Variants in SPEF2 observed in about 807,000 individuals in gnomAD.
SPEF2 encodes the protein sperm flagellar and cilia associated 2, also known as sperm flagella and cilia-associated protein 2.
In SPEF2, 187 loss-of-function variants were observed where a neutral mutation model predicts 224.6. The ratio of observed to expected loss-of-function variants is 0.83; its 90% CI spans 0.74 to 0.94. The LOEUF is 0.94. SPEF2 is among the 40% of genes least tolerant of loss of function. The pLI, the probability that SPEF2 is intolerant of heterozygous loss-of-function variation, is 0.00. For missense variants in SPEF2, 2,170 were observed against 2,135.6 expected (o/e 1.02, Z -0.32); for synonymous variants, 715 against 707.3 (o/e 1.01, Z -0.17).
chr5:35,705,378 T>C lies in SPEF2; in HGVS notation c.2508-273T>C, dbSNP rs76072705. On this transcript the variant is annotated intron_variant, in intron 17 of 36. Transcript: ENST00000356031. The stretch of plus-strand genomic sequence containing the variant: ...TCTACTATGAGCACAGATGATGTTT[T>C]CTTAGATTTTCACTTAGAGACCTGT... Among the ~76,000 whole-genome samples the C allele has an allele frequency of 7.9e-3, 1,206 of 152,180 alleles. 15 individuals carry two copies. The highest frequency in any genetic ancestry group is 0.028 in the African/African-American group (1,173 of 41,570).
At chr5:35,755,766 C>T (rs1174741230) in intron 24 of SPEF2, among the ~76,000 whole-genome samples, 3 of 152,096 alleles carry the variant, frequency 2.0e-5, no homozygotes, top group Non-Finnish European at 4.4e-5. Context: ...CCCACCACCA[C>T]GCCTGGCTAA....
chr5:35,703,019 GA>G, intron 16 of SPEF2, among the ~76,000 whole-genome samples: 1 of 151,834 alleles, frequency 6.6e-6, no homozygotes, highest in African/African-American at 2.4e-5. Context: ...CAGAGATAGA[GA>G]GTGAGTGGAG....
At chr5:35,655,081 A>AG (rs1748776443) in intron 7 of SPEF2, among the ~76,000 whole-genome samples, 2 of 152,208 alleles carry the variant, frequency 1.3e-5, no homozygotes, top group Non-Finnish European at 2.9e-5. Flanking sequence ...GGAAAAAGGG[A>AG]ATGGTTTAAT....
rs548989919 is a variant in SPEF2, at chr5:35,622,965, A to G, written c.58+4910A>G. On this transcript the variant is annotated intron_variant, in intron 1 of 36. Coordinates refer to ENST00000356031, the MANE Select transcript of SPEF2 (RefSeq NM_024867.4). ...AAGGATAAAATTGTGAAGACTGACAATCCTATTCTTTTACCAAAGGAAAGA... is the reference window on the plus strand; with the variant it reads ...AAGGATAAAATTGTGAAGACTGACAGTCCTATTCTTTTACCAAAGGAAAGA... Among the ~76,000 whole-genome samples, 16 of 152,318 alleles carry G rather than the reference A, an allele frequency of 1.1e-4. No homozygotes were observed. The South Asian group carries it at 3.3e-3, about 32-fold the overall frequency.
At chr5:35,699,307 A>G (rs1015716066) in intron 15 of SPEF2, 1 of 152,176 alleles carries the variant, frequency 6.6e-6, no homozygotes, top group African/African-American at 2.4e-5. Flanking sequence ...CAAAAACACA[A>G]TTTTGCATAA....
intron 10 of SPEF2, among the ~76,000 whole-genome samples, chr5:35,683,032 C>G (rs1387216239): frequency 6.6e-6 from 1 of 152,148 alleles, no homozygotes; most frequent in Non-Finnish European, 1.5e-5. Flanking sequence ...TTTGTAAATA[C>G]TTGTGATTCT....
At chr5:35,676,386 C>A (rs1288838685) in intron 10 of SPEF2, among the ~76,000 whole-genome samples, 3 of 152,082 alleles carry the variant, frequency 2.0e-5, no homozygotes, top group Admixed American at 2.0e-4. Context: ...TCAATCAATT[C>A]CTCGGAATTA....
At position 35,712,797 on chromosome 5, in the gene SPEF2, T is replaced by C. The variant is rs765918926; in HGVS notation, c.2840-15T>C. ...GTAAATCATCAATGATTTTTGTGTGTCGAATTTTGTTTAGAAGCCCCGCAT... is the reference window on the plus strand; with the variant it reads ...GTAAATCATCAATGATTTTTGTGTGCCGAATTTTGTTTAGAAGCCCCGCAT... On this transcript the variant is annotated splice_polypyrimidine_tract_variant and intron_variant, in intron 19 of 36. Transcript: ENST00000356031. 1.1e-5 allele frequency: 17 copies of C among 1,613,402 alleles called. No individual in the cohort carries two copies. The highest frequency in any genetic ancestry group is 1.0e-5 in the Non-Finnish European group (12 of 1,179,628).
At chr5:35,665,926 A>C (rs932133912) in intron 8 of SPEF2, among the ~76,000 whole-genome samples, 22 of 152,200 alleles carry the variant, frequency 1.4e-4, no homozygotes, top group Admixed American at 6.5e-5. Flanking sequence ...ATAGCAAAAC[A>C]AATGGTGGAC....
At chr5:35,782,205 C>T (rs559328537) in intron 30 of SPEF2, among the ~76,000 whole-genome samples, 60 of 152,218 alleles carry the variant, frequency 3.9e-4, no homozygotes, top group Non-Finnish European at 7.5e-4. Flanking sequence ...CTGTATTTAC[C>T]CTAGAACTCT....
In SPEF2 at chr5:35,779,099, C is replaced by A; in HGVS notation, c.4218-18C>A. 1 of 1,585,434 alleles carries A rather than the reference C, an allele frequency of 6.3e-7. No individual in the cohort carries two copies. The highest frequency in any genetic ancestry group is 8.6e-7 in the Non-Finnish European group (1 of 1,158,304). On this transcript the variant is annotated intron_variant, in intron 29 of 36. Transcript: ENST00000356031. ...GTATCTTTCATGGGGTTAACGCTAT[C>A]CATTTTACCACTTTCAGTACAGAAA...
intron 30 of SPEF2, 103 bp from the exon 31 acceptor site, chr5:35,792,237 T>C (rs1453447673): frequency 5.7e-6 from 4 of 701,010 alleles, no homozygotes; most frequent in Admixed American, 3.2e-5. Context: ...TTATATAATA[T>C]GAATAAAGAG....
At chr5:35,776,071 A>G (rs1412437450) in intron 28 of SPEF2, among the ~76,000 whole-genome samples, 186 bp from the exon 29 acceptor site, 1 of 152,242 alleles carries the variant, frequency 6.6e-6, no homozygotes, top group Admixed American at 6.5e-5. Flanking sequence ...AATTTCTCAA[A>G]TGACTCTACC....
intron 28 of SPEF2, among the ~76,000 whole-genome samples, chr5:35,774,550 A>G (rs545121165): frequency 1.3e-5 from 2 of 152,254 alleles, no homozygotes; most frequent in Non-Finnish European, 2.9e-5. Context: ...GTTCTTCTCT[A>G]TAGGAGCTAT....
intron 8 of SPEF2, among the ~76,000 whole-genome samples, chr5:35,664,808 AAGAGGG>A (rs1370209618): frequency 2.8e-5 from 3 of 107,720 alleles, no homozygotes; most frequent in Non-Finnish European, 5.6e-5. Context: ...GAGGGAGAGG[AAGAGGG>A]AGAGGGAGAG....
At chr5:35,738,688 G>A (rs906575605) in intron 21 of SPEF2, among the ~76,000 whole-genome samples, 32 of 151,530 alleles carry the variant, frequency 2.1e-4, no homozygotes, top group African/African-American at 7.5e-4. Context: ...AGTCAGAGTT[G>A]TGCAAGCTGA....
intron 24 of SPEF2, among the ~76,000 whole-genome samples, chr5:35,755,580 T>C (rs1286627771): frequency 6.6e-6 from 1 of 152,186 alleles, no homozygotes; most frequent in Non-Finnish European, 1.5e-5. Context: ...ACTATGTACA[T>C]GCCAGGCAGC....
chr5:35,804,824 A>G (rs1048151527), intron 34 of SPEF2, among the ~76,000 whole-genome samples: 6 of 152,154 alleles, frequency 3.9e-5, no homozygotes, highest in Admixed American at 2.6e-4. Flanking sequence ...TTCTTTGCTT[A>G]ATTTTGGTAT....
chr5:35,687,577 G>A (rs191114381), intron 10 of SPEF2, among the ~76,000 whole-genome samples: 74 of 152,092 alleles, frequency 4.9e-4, no homozygotes, highest in African/African-American at 1.7e-3. Context: ...GGCTGGTTTC[G>A]AACTCCTGAC....
Sources: allele counts gnomAD v4.1 joint callset (sites outside exome capture counted in the v4.1 genomes callset), GRCh38; gene constraint gnomAD v4.1.1; transcripts MANE v1.5; gene names NCBI Gene and HGNC (gene_info 2026-07-23, HGNC 2026-07-21).